Variants in TAFA4 observed in about 807,000 individuals in gnomAD.
The protein encoded by TAFA4 is TAFA chemokine like family member 4, also known as chemokine-like protein TAFA-4.
A neutral mutation model predicts 21.1 loss-of-function variants in TAFA4; 20 were observed. The ratio of observed to expected loss-of-function variants is 0.95; its 90% confidence interval spans 0.67 to 1.38. The LOEUF (loss-of-function observed/expected upper bound fraction) is 1.38. Ranked by LOEUF, TAFA4 falls within the 40% of genes most tolerant of loss-of-function variation. The probability of loss-of-function intolerance (pLI) is 0.00; values close to 1 mark genes in which losing one functional copy is unlikely to be tolerated. For missense variants in TAFA4, 211 were observed against 180.9 expected, an observed-to-expected ratio of 1.17 and a Z score of -0.95; for synonymous variants, 71 against 67.4, an observed-to-expected ratio of 1.05 and a Z score of -0.26.
intron 1 of TAFA4, among the ~76,000 whole-genome samples, chr3:68,927,608 T>C (rs956566698): frequency 8.5e-5 from 13 of 152,172 alleles, no homozygotes; most frequent in African/African-American, 3.1e-4. Context: ...TCATAAGAAA[T>C]ACAAGTATAG....
At chr3:68,848,355 C>T (rs1184783736) in intron 3 of TAFA4, among the ~76,000 whole-genome samples, 1 of 152,208 alleles carries the variant, frequency 6.6e-6, no homozygotes, top group East Asian at 1.9e-4. Flanking sequence ...GTCTTCTCTG[C>T]TCTCAGATAG....
At chr3:68,736,734 G>A (rs1430742563) in intron 5 of TAFA4, among the ~76,000 whole-genome samples, 1 of 152,054 alleles carries the variant, frequency 6.6e-6, no homozygotes. Flanking sequence ...GCTAGTCACA[G>A]ATCCACAAAT....
At chr3:68,928,540 G>A (rs570520715) in intron 1 of TAFA4, among the ~76,000 whole-genome samples, 14 of 152,196 alleles carry the variant, frequency 9.2e-5, no homozygotes, top group South Asian at 2.1e-4. Flanking sequence ...TTCAAATTGC[G>A]TCACCCTGCC....
At chr3:68,856,808 A>G (rs1038862769) in intron 3 of TAFA4, among the ~76,000 whole-genome samples, 5 of 152,064 alleles carry the variant, frequency 3.3e-5, no homozygotes, top group African/African-American at 9.7e-5. Context: ...AACAAAACCT[A>G]CCGCTGGAGC....
chr3:68,805,569 C>G (rs371938436), intron 3 of TAFA4, among the ~76,000 whole-genome samples: 1 of 152,032 alleles, frequency 6.6e-6, no homozygotes, highest in Non-Finnish European at 1.5e-5. Flanking sequence ...TGTCCAACAA[C>G]GATAGACTGG....
chr3:68,733,269 AC>A, intron 5 of TAFA4, 116 bp from the exon 6 acceptor site: 3 of 1,314,266 alleles, frequency 2.3e-6, no homozygotes, highest in Non-Finnish European at 2.1e-6. Context: ...TTGTACATTT[AC>A]CTATAACCGA....
chr3:68,798,377 T>C (rs1292948196), intron 3 of TAFA4, among the ~76,000 whole-genome samples: 2 of 152,216 alleles, frequency 1.3e-5, no homozygotes, highest in African/African-American at 4.8e-5. Flanking sequence ...AACAAAATTA[T>C]GAGCCATCAA....
chr3:68,920,727 C>T lies in TAFA4; in HGVS notation c.-123+11513G>A, dbSNP rs139224983. 2.5e-3 allele frequency among the ~76,000 whole-genome samples: 375 copies of T among 150,170 alleles called. 2 individuals carry two copies. Among genetic ancestry groups the T allele is most frequent in the African/African-American group, 8.6e-3 (347 of 40,570 alleles). On this transcript the variant is annotated intron_variant, in intron 1 of 5. Transcript: ENST00000295569. Reference sequence around the variant, plus strand: ...TGTGACCCTGTATTATGACCAGTGGCACCACTATCCCCTACAATGCAGCCT... The same window carrying T: ...TGTGACCCTGTATTATGACCAGTGGTACCACTATCCCCTACAATGCAGCCT...
chr3:68,920,430 T>C (rs2090047679), intron 1 of TAFA4, among the ~76,000 whole-genome samples: 1 of 152,186 alleles, frequency 6.6e-6, no homozygotes. Context: ...TTAGTTGGCA[T>C]TGATACAAAT....
chr3:68,921,355 T>C (rs1387080675), intron 1 of TAFA4, among the ~76,000 whole-genome samples: 2 of 152,120 alleles, frequency 1.3e-5, no homozygotes, highest in African/African-American at 4.8e-5. Context: ...AACTTCCAAT[T>C]TTTTTAAACA....
intron 5 of TAFA4, 53 bp from the exon 6 acceptor site, chr3:68,733,206 A>ACCATTC: frequency 6.3e-7 from 1 of 1,595,520 alleles, no homozygotes; most frequent in Non-Finnish European, 8.5e-7. Context: ...CACCGAAATA[A>ACCATTC]CCATTCCTGC....
chr3:68,806,382 T>C (rs1008398527), intron 3 of TAFA4, among the ~76,000 whole-genome samples: 4 of 152,198 alleles, frequency 2.6e-5, no homozygotes, highest in African/African-American at 9.6e-5. Flanking sequence ...CAAATGACAT[T>C]TCTGAGGAAG....
chr3:68,733,887 G>A (rs916387896), intron 5 of TAFA4, among the ~76,000 whole-genome samples: 1 of 152,050 alleles, frequency 6.6e-6, no homozygotes, highest in African/African-American at 2.4e-5. Flanking sequence ...ACTGACATCT[G>A]GCCTTTATGT....
intron 3 of TAFA4, among the ~76,000 whole-genome samples, chr3:68,835,107 A>C (rs1266544380): frequency 6.6e-6 from 1 of 151,984 alleles, no homozygotes; most frequent in African/African-American, 2.4e-5. Context: ...TGGCCTCTGC[A>C]CCTGCTGTGT....
chr3:68,754,267 C>T (rs937141673), intron 3 of TAFA4, among the ~76,000 whole-genome samples: 1 of 152,136 alleles, frequency 6.6e-6, no homozygotes, highest in Non-Finnish European at 1.5e-5. Flanking sequence ...CCCAATAATG[C>T]CTTTTATAGC....
rs1376065907 is a variant in TAFA4, at chr3:68,732,348, T to C, written c.*794A>G. On this transcript the variant is annotated 3_prime_UTR_variant, in exon 6 of 6. Transcript: ENST00000295569. ...TGATCTAAATTGAGATTGTTTTATA[T>C]TTTAAATGATTTACCTACATGACTA... 15 of 152,636 alleles carry C rather than the reference T, an allele frequency of 9.8e-5. No individual in the cohort carries two copies. Among genetic ancestry groups the C allele is most frequent in the Non-Finnish European group, 2.2e-4 (15 of 68,030 alleles). The allele number at this position is 152,636 out of a possible 1,614,324, so 9.5% of individuals were successfully genotyped here.
At chr3:68,820,799 C>G (rs969056378) in intron 3 of TAFA4, among the ~76,000 whole-genome samples, 3 of 152,096 alleles carry the variant, frequency 2.0e-5, no homozygotes, top group African/African-American at 7.2e-5. Context: ...TATATCAAAA[C>G]ATCATTTGTA....
At chr3:68,930,281 C>T (rs2090147404) in intron 1 of TAFA4, among the ~76,000 whole-genome samples, 2 of 152,172 alleles carry the variant, frequency 1.3e-5, no homozygotes, top group South Asian at 4.2e-4. Flanking sequence ...TGAAAAATAT[C>T]CAATAATCAA....
chr3:68,913,771 CAGAG>C (rs36014342), intron 1 of TAFA4: 27,655 of 152,130 alleles, frequency 0.18, 2,672 homozygotes, highest in Middle Eastern at 0.31. Flanking sequence ...CAATTAGAGA[CAGAG>C]AGAGAAAGAA....
Sources: gnomAD v4.1 joint callset for allele counts (sites outside exome capture counted in the v4.1 genomes callset) on GRCh38, gnomAD v4.1.1 for gene constraint, MANE v1.5 for transcripts, NCBI Gene and HGNC (gene_info 2026-07-23, HGNC 2026-07-21) for gene names.